Variants in CYP3A5 observed in about 807,000 individuals in gnomAD.
CYP3A5 encodes cytochrome P450 3A5.
A neutral mutation model predicts 55.9 loss-of-function variants in CYP3A5; 51 were observed. That is an observed-to-expected ratio of 0.91 (90% CI 0.73 to 1.15). CYP3A5 has a LOEUF of 1.15. Ranked by LOEUF, CYP3A5 falls within the 50% of genes most tolerant of loss-of-function variation. CYP3A5 has a pLI of 0.00. For missense variants in CYP3A5, 533 were observed against 596.6 expected (o/e 0.89, Z 1.11); for synonymous variants, 196 against 213.9 (o/e 0.92, Z 0.73).
At position 99,664,012 on chromosome 7, in the gene CYP3A5, A is replaced by T; in HGVS notation, c.754T>A (p.Ser252Thr). 6.3e-7 allele frequency: 1 copy of T among 1,598,300 alleles called. No homozygotes were observed. Among genetic ancestry groups the T allele is most frequent in the Non-Finnish European group, 8.5e-7 (1 of 1,176,468 alleles). Residue 252 changes from serine (S) to threonine (T), a missense_variant, in exon 8 of 13, where the codon TCT (serine) becomes ACT (threonine). Coordinates refer to ENST00000222982, the MANE Select transcript of CYP3A5 (RefSeq NM_000777.5). ...PKDTINFLSK[S>T]VNRMKKSRLN... ...CGACTTTTCTTCATTCTGTTTACAGATTTACTTAAAAAATTTATGGTATCT... is the reference window on the plus strand; with the variant it reads ...CGACTTTTCTTCATTCTGTTTACAGTTTTACTTAAAAAATTTATGGTATCT...
At chr7:99,679,489 A>G (rs1001669626) in intron 1 of CYP3A5, among the ~76,000 whole-genome samples, 7 of 152,144 alleles carry the variant, frequency 4.6e-5, no homozygotes, top group African/African-American at 1.7e-4. Context: ...TGAGGATCAC[A>G]CTGTCCATCA....
chr7:99,651,225 G>A (rs954184392), intron 11 of CYP3A5, among the ~76,000 whole-genome samples: 19 of 152,144 alleles, frequency 1.2e-4, no homozygotes, highest in African/African-American at 3.9e-4. Flanking sequence ...TCGGTAACAT[G>A]TACTTGTGTA....
At chr7:99,676,450 TGGAG>T in intron 1 of CYP3A5, 1 of 1,451,194 alleles carries the variant, frequency 6.9e-7, no homozygotes, top group Non-Finnish European at 9.2e-7. Context: ...GTCCCAATCC[TGGAG>T]TGAATACTTG....
intron 9 of CYP3A5, 71 bp from the exon 10 acceptor site, chr7:99,660,730 A>C (rs886382179): frequency 4.5e-6 from 7 of 1,555,370 alleles, no homozygotes; most frequent in Non-Finnish European, 6.1e-6. Flanking sequence ...ATGAAATCTA[A>C]GTGAAGCTCT....
At chr7:99,666,785 T>C in intron 5 of CYP3A5, 96 bp from the exon 6 acceptor site, 1 of 1,599,642 alleles carries the variant, frequency 6.3e-7, no homozygotes. Flanking sequence ...AAGTGACATT[T>C]TGTAATGAAT....
At chr7:99,674,636 C>A (rs776211597) in intron 2 of CYP3A5, 51 bp from the exon 3 acceptor site, 5 of 1,510,894 alleles carry the variant, frequency 3.3e-6, no homozygotes, top group Non-Finnish European at 4.6e-6. Context: ...ATAGAATAAA[C>A]CCTACCTCTA....
chr7:99,672,164 G>T (rs2151442621), intron 4 of CYP3A5, among the ~76,000 whole-genome samples: 1 of 152,178 alleles, frequency 6.6e-6, no homozygotes, highest in Admixed American at 6.5e-5. Flanking sequence ...CGATTCTCCT[G>T]TCTCAGACTA....
chr7:99,668,429 A>C (rs1047400246), intron 4 of CYP3A5, among the ~76,000 whole-genome samples: 16 of 152,222 alleles, frequency 1.1e-4, no homozygotes, highest in African/African-American at 3.9e-4. Context: ...GATGGCTTTG[A>C]ATGTATCCCA....
intron 12 of CYP3A5, 86 bp downstream of exon 12, chr7:99,649,987 A>G: frequency 1.3e-6 from 2 of 1,501,456 alleles, no homozygotes; most frequent in African/African-American, 2.8e-5. Flanking sequence ...ATGAATTATT[A>G]AAAGATAAAC....
Position 99,652,759 on chromosome 7 carries a change from G to A in CYP3A5, c.1047C>T (p.Ala349=), listed in dbSNP as rs769665665. ...TGTCAAGGTACTCCATCTGTACCAC[G>A]GCATCATAGGTAGGTGGTGCCTGGA... ...LPNKAPPTYD[A]VVQMEYLDMV... Residue 349 remains alanine, a synonymous_variant, in exon 11 of 13, where the codon GCC becomes GCT. Transcript: ENST00000222982. 1.4e-5 allele frequency: 22 copies of A among 1,613,136 alleles called. No individual in the cohort carries two copies. Among genetic ancestry groups the A allele is most frequent in the Middle Eastern group, 3.3e-4 (2 of 6,080 alleles).
intron 6 of CYP3A5, 143 bp from the exon 7 acceptor site, chr7:99,665,457 C>CT (rs1810907387): frequency 4.8e-6 from 6 of 1,252,270 alleles, no homozygotes; most frequent in Middle Eastern, 2.8e-4. Context: ...CATCTTCCAT[C>CT]TACTCCCTCA....
At position 99,677,755 on chromosome 7, in the gene CYP3A5, T is replaced by A. The variant is rs982428153; in HGVS notation, c.72-1547A>T. Among the ~76,000 whole-genome samples, 3 of 152,296 alleles carry A rather than the reference T, an allele frequency of 2.0e-5. No homozygotes were observed. The East Asian group carries it at 5.8e-4, about 29-fold the overall frequency. On this transcript the variant is annotated intron_variant, in intron 1 of 12. Transcript: ENST00000222982. ...CCAAAGCCAGGGTGGCCTTGGGTAT[T>A]CCCACTTCAGTTCCCTCCTTTGTTG...
At position 99,662,816 on chromosome 7, in the gene CYP3A5, C is replaced by G. The variant is rs1447499393; in HGVS notation, c.865G>C (p.Ala289Pro). 6.2e-7 allele frequency: 1 copy of G among 1,613,866 alleles called. No individual in the cohort carries two copies. Among genetic ancestry groups the G allele is most frequent in the Non-Finnish European group, 8.5e-7 (1 of 1,179,794 alleles). Residue 289 changes from alanine (A) to proline (P), a missense_variant and splice_region_variant, in exon 9 of 13, where the codon GCT (alanine) becomes CCT (proline). Physicochemically the swap from Ala to Pro is conservative, Grantham distance 27 (BLOSUM62 -1). Coordinates refer to ENST00000222982, the MANE Select transcript of CYP3A5 (RefSeq NM_000777.5). The surrounding 1 kb of genome is among the most constrained non-coding windows in gnomAD (Gnocchi z 4.3). ...QNSKETESHK[A>P]LSDLELAAQS... ...GCCCTCAGAAGCACTCCTTGGTTAC[C>G]TTTGTGGGACTCAGTTTCTTTCGAA...
chr7:99,675,985 G>C (rs1232803253), intron 2 of CYP3A5, 130 bp downstream of exon 2: 1 of 741,464 alleles, frequency 1.3e-6, no homozygotes, highest in African/African-American at 1.8e-5. Context: ...ATGATCCACT[G>C]CACCCAGTCC....
At chr7:99,664,128 C>A in intron 7 of CYP3A5, 33 bp from the exon 8 acceptor site, 1 of 1,528,608 alleles carries the variant, frequency 6.5e-7, no homozygotes. Flanking sequence ...AAAAGGAAAT[C>A]ATTGAAAATG....
At chr7:99,660,707 C>G (rs777117384) in intron 9 of CYP3A5, 48 bp from the exon 10 acceptor site, 1 of 1,599,198 alleles carries the variant, frequency 6.3e-7, no homozygotes, top group African/African-American at 1.3e-5. Context: ...CAACGTACAA[C>G]ATCACAGCTT....
At chr7:99,666,907 A>G (rs1811080032) in intron 5 of CYP3A5, 45 bp downstream of exon 5, 1 of 1,607,492 alleles carries the variant, frequency 6.2e-7, no homozygotes, top group Non-Finnish European at 8.5e-7. Context: ...CTGTCCCCAG[A>G]TTCATTCTTT....
intron 12 of CYP3A5, among the ~76,000 whole-genome samples, chr7:99,649,057 A>G (rs1001813368): frequency 4.6e-5 from 7 of 152,180 alleles, no homozygotes; most frequent in Non-Finnish European, 5.9e-5. Context: ...GGGAGCCACC[A>G]ACAGAGTAAC....
In CYP3A5 at chr7:99,652,695, T is replaced by C. The variant is rs28365092; in HGVS notation, c.1111A>G (p.Ile371Val). Residue 371 changes from isoleucine to valine, a missense_variant, in exon 11 of 13, where the codon ATT becomes GTT. Ile to Val is a conservative substitution (Grantham distance 29). Coordinates refer to ENST00000222982, the MANE Select transcript of CYP3A5 (RefSeq NM_000777.5). ...TTCTTGCAAGTCCTCTCAAGTCTAA[T>C]AGCAACTGGGAATAATCTGAGTGTT... ...NETLRLFPVA[I>V]RLERTCKKDV... The C allele has an allele frequency of 5.8e-4, 939 of 1,614,010 alleles. No individual in the cohort carries two copies. Among genetic ancestry groups the C allele is most frequent in the Non-Finnish European group, 7.0e-4 (826 of 1,180,018 alleles).
Sources: gnomAD v4.1 joint callset for allele counts (sites outside exome capture counted in the v4.1 genomes callset) on GRCh38, gnomAD v4.1.1 for gene constraint, Gnocchi (gnomAD v3.1) non-coding constraint, MANE v1.5 for transcripts, NCBI Gene and HGNC (gene_info 2026-07-23, HGNC 2026-07-21) for gene names.